The following AACS variants were observed in gnomAD, a reference collection of about 807,000 sequenced individuals.
AACS encodes the protein acetoacetate-CoA ligase.
AACS carries 69 observed loss-of-function variants against 83.1 expected under a neutral mutation model. The observed-to-expected ratio is 0.83, with a 90% CI of 0.68 to 1.01. AACS has a LOEUF of 1.01. Among genes scored for constraint, AACS ranks in the 50% least tolerant of loss-of-function variants. The pLI is 0.00. For synonymous variants in AACS, 333 were observed against 343.4 expected (o/e 0.97, Z 0.33); for missense variants, 866 against 882.2 (o/e 0.98, Z 0.23).
At chr12:125,099,467 C>G (rs1956674625) in intron 5 of AACS, among the ~76,000 whole-genome samples, 1 of 152,198 alleles carries the variant, frequency 6.6e-6, no homozygotes, top group Non-Finnish European at 1.5e-5. Context: ...ACATTGTTTT[C>G]TGGCTCATGA....
At chr12:125,133,662 C>T (rs1460479064) in intron 14 of AACS, among the ~76,000 whole-genome samples, 2 of 152,244 alleles carry the variant, frequency 1.3e-5, no homozygotes, top group Admixed American at 6.5e-5. Context: ...ATGGCTTATT[C>T]TTTCCTGTGC....
In AACS at chr12:125,129,415, G is replaced by A; in HGVS notation, c.1504G>A (p.Glu502Lys). ...PCQPTHFWND[E>K]NGNKYRKAYF... ...CCAGCCCACACACTTCTGGAACGAT[G>A]AGAACGGCAACAAGTACAGGAAGGC... is the stretch of plus-strand genomic sequence containing the variant. Residue 502 changes from glutamate (E) to lysine (K), a missense_variant, in exon 14 of 18, where the codon GAG becomes AAG. Physicochemically the swap from Glu to Lys is moderately conservative, Grantham distance 56. Transcript: ENST00000316519. This position sits in a 1 kb window ranked among gnomAD's most constrained non-coding sequence, Gnocchi z 4.3. 1.2e-6 allele frequency: 2 copies of A among 1,614,094 alleles called. No homozygotes were observed. The highest frequency in any genetic ancestry group is 1.7e-6 in the Non-Finnish European group (2 of 1,180,002).
At chr12:125,124,846 A>C in intron 11 of AACS, 56 bp from the exon 12 acceptor site, 2 of 1,613,964 alleles carry the variant, frequency 1.2e-6, no homozygotes, top group Non-Finnish European at 1.7e-6. Context: ...CCTGCTTGCG[A>C]GTGAGGCTTC....
At chr12:125,071,208 TCTC>T (rs940276815) in intron 1 of AACS, among the ~76,000 whole-genome samples, 2 of 152,154 alleles carry the variant, frequency 1.3e-5, no homozygotes, top group Non-Finnish European at 2.9e-5. Context: ...CTCACTGGCT[TCTC>T]CTGGAGCAGG....
intron 4 of AACS, among the ~76,000 whole-genome samples, chr12:125,088,838 G>C (rs1235171473): frequency 6.6e-6 from 1 of 152,226 alleles, no homozygotes; most frequent in African/African-American, 2.4e-5. Context: ...CAGCCATTTT[G>C]TGGGTCTCAG....
At chr12:125,066,553 G>T (rs2136021540) in intron 1 of AACS, among the ~76,000 whole-genome samples, 1 of 150,814 alleles carries the variant, frequency 6.6e-6, no homozygotes, top group South Asian at 2.1e-4. Context: ...GGGTTCAAGT[G>T]ATTCTCCTGC....
In AACS at chr12:125,067,603, G is replaced by A. The variant is rs545498130; in HGVS notation, c.133+1886G>A. Among the ~76,000 whole-genome samples, 16 of 151,904 alleles carry A rather than the reference G, an allele frequency of 1.1e-4. 1 individual carries two copies. The highest frequency in any genetic ancestry group is 4.2e-4 in the South Asian group (2 of 4,806). On this transcript the variant is annotated intron_variant, in intron 1 of 17. Coordinates refer to ENST00000316519, the MANE Select transcript of AACS (RefSeq NM_023928.5). ...GGCTGGAGTGCGACGGCGCAATCTC[G>A]GCTCATTGCAACCTCTGCCTCCTGG...
rs113520070 is a variant in AACS at position 125,129,980 on chromosome 12, T to C, written c.1549+520T>C. On this transcript the variant is annotated intron_variant, in intron 14 of 17. Coordinates refer to ENST00000316519, the MANE Select transcript of AACS (RefSeq NM_023928.5). This position sits in a 1 kb window ranked among gnomAD's most constrained non-coding sequence, Gnocchi z 4.3. ...GACTGACACCCTTGGGTGTCGTCTT[T>C]TGAGTGGTGCCTTGCCCCAAAGCAG... is the stretch of plus-strand genomic sequence containing the variant. Among the ~76,000 whole-genome samples, 1 of 152,172 alleles carries C rather than the reference T, an allele frequency of 6.6e-6. No individual in the cohort carries two copies. Among genetic ancestry groups the C allele is most frequent in the Non-Finnish European group, 1.5e-5 (1 of 68,020 alleles).
In AACS at chr12:125,094,350, T is replaced by C. The variant is rs1442506833; in HGVS notation, c.570+2827T>C. Reference sequence around the variant, plus strand: ...CATGTTTTCTCTTGCTTTGAAATTATATTTCTTTGAATCTCAGAGAATATC... The same window carrying C: ...CATGTTTTCTCTTGCTTTGAAATTACATTTCTTTGAATCTCAGAGAATATC... On this transcript the variant is annotated intron_variant, in intron 5 of 17. Transcript: ENST00000316519. This position sits in a 1 kb window ranked among gnomAD's most constrained non-coding sequence, Gnocchi z 4.1. 2.0e-5 allele frequency among the ~76,000 whole-genome samples: 3 copies of C among 152,266 alleles called. No individual in the cohort carries two copies. Among genetic ancestry groups the C allele is most frequent in the African/African-American group, 7.2e-5 (3 of 41,472 alleles).
intron 17 of AACS, among the ~76,000 whole-genome samples, chr12:125,137,600 T>C (rs1203185891): frequency 6.6e-6 from 1 of 152,234 alleles, no homozygotes; most frequent in African/African-American, 2.4e-5. Context: ...GGCTGTGTCG[T>C]CATCCCCCAG....
In AACS at chr12:125,140,166, G is replaced by C. The variant is rs1283174998; in HGVS notation, c.1882-1926G>C. ...CAGCCATGGCTGTCCCAAGTCCAGC[G>C]GGCCTTTGCTCGGGTCATGGCTGGG... On this transcript the variant is annotated intron_variant, in intron 17 of 17. Coordinates refer to ENST00000316519, the MANE Select transcript of AACS (RefSeq NM_023928.5). The surrounding 1 kb of genome is among the most constrained non-coding windows in gnomAD (Gnocchi z 5.1). 2 of 152,184 alleles carry C rather than the reference G, an allele frequency of 1.3e-5. No individual in the cohort carries two copies. Among genetic ancestry groups the C allele is most frequent in the East Asian group, 3.9e-4 (2 of 5,180 alleles). The allele number at this position is 152,184 out of a possible 1,614,324, so 9.4% of individuals were successfully genotyped here.
Position 125,140,451 on chromosome 12 carries a change from G to A in AACS, c.1882-1641G>A, listed in dbSNP as rs1957468037. The A allele has an allele frequency of 6.6e-6, 1 of 152,254 alleles. No individual in the cohort carries two copies. Among genetic ancestry groups the A allele is most frequent in the Non-Finnish European group, 1.5e-5 (1 of 68,062 alleles). 9.4% of individuals were successfully genotyped at this position (152,254 alleles called of 1,614,324 possible). ...GTGGACCCCTGTGTGAAGCGTAGCAGGGCACAGAGCAGGCGAGACGTTTGC... is the reference window on the plus strand; with the variant it reads ...GTGGACCCCTGTGTGAAGCGTAGCAAGGCACAGAGCAGGCGAGACGTTTGC... On this transcript the variant is annotated intron_variant, in intron 17 of 17. Coordinates refer to ENST00000316519, the MANE Select transcript of AACS (RefSeq NM_023928.5). This position sits in a 1 kb window ranked among gnomAD's most constrained non-coding sequence, Gnocchi z 5.1.
intron 3 of AACS, among the ~76,000 whole-genome samples, chr12:125,078,678 A>G (rs933420658): frequency 3.9e-5 from 6 of 152,180 alleles, no homozygotes; most frequent in African/African-American, 9.6e-5. Flanking sequence ...AAAATTAGCC[A>G]GGCGTGGTGG....
chr12:125,104,672 C>T (rs1417939139), intron 7 of AACS, among the ~76,000 whole-genome samples: 1 of 152,148 alleles, frequency 6.6e-6, no homozygotes, highest in African/African-American at 2.4e-5. Flanking sequence ...AAAGTGGTGG[C>T]TTGGCGAGGG....
intron 14 of AACS, among the ~76,000 whole-genome samples, chr12:125,131,461 C>G (rs898132974): frequency 1.3e-5 from 2 of 152,122 alleles, no homozygotes; most frequent in Non-Finnish European, 2.9e-5. Flanking sequence ...ATCCTCCTGC[C>G]TCAGCCTCCT....
At chr12:125,069,858 C>T (rs1020004461) in intron 1 of AACS, among the ~76,000 whole-genome samples, 1 of 152,230 alleles carries the variant, frequency 6.6e-6, no homozygotes, top group South Asian at 2.1e-4. Flanking sequence ...TAGTGCCACA[C>T]GTTAGTGGAC....
intron 1 of AACS, among the ~76,000 whole-genome samples, chr12:125,070,787 G>C (rs764602104): frequency 4.6e-5 from 7 of 152,158 alleles, no homozygotes; most frequent in African/African-American, 1.4e-4. Flanking sequence ...ACCAAGGCAC[G>C]AAGTCTCAGT....
intron 3 of AACS, among the ~76,000 whole-genome samples, chr12:125,077,750 G>A (rs1956063720): frequency 6.6e-6 from 1 of 150,410 alleles, no homozygotes; most frequent in Admixed American, 6.6e-5. Flanking sequence ...ATCTTCCTCT[G>A]TTGCCAAGGC....
At chr12:125,089,183 G>A (rs1956406036) in intron 4 of AACS, among the ~76,000 whole-genome samples, 1 of 152,162 alleles carries the variant, frequency 6.6e-6, no homozygotes. Context: ...TCTCATCTTC[G>A]CTGCAAACTC....
Sources: gnomAD v4.1 joint callset for allele counts (sites outside exome capture counted in the v4.1 genomes callset) on GRCh38, gnomAD v4.1.1 for gene constraint, Gnocchi (gnomAD v3.1) non-coding constraint, MANE v1.5 for transcripts, NCBI Gene and HGNC (gene_info 2026-07-23, HGNC 2026-07-21) for gene names.